The following MFHAS1 variants were observed in gnomAD, a reference collection of about 807,000 sequenced individuals.
MFHAS1 encodes the protein malignant fibrous histiocytoma-amplified sequence 1.
Under a neutral mutation model 70.4 loss-of-function variants are expected in MFHAS1, and 50 were observed. The observed-to-expected ratio is 0.71, with a 90% CI of 0.57 to 0.90. The LOEUF (loss-of-function observed/expected upper bound fraction) is 0.90, where lower values mean the gene tolerates loss of function less well. MFHAS1 is among the 40% of genes least tolerant of loss of function. The pLI, the probability that MFHAS1 is intolerant of heterozygous loss-of-function variation, is 0.00. For synonymous variants in MFHAS1, 952 were observed against 620.0 expected (o/e 1.54, Z -7.96); for missense variants, 1,795 against 1,347.6 (o/e 1.33, Z -5.20).
At chr8:8,828,194 G>A (rs531780896) in intron 1 of MFHAS1, among the ~76,000 whole-genome samples, 21 of 152,254 alleles carry the variant, frequency 1.4e-4, no homozygotes, top group South Asian at 4.1e-4. Context: ...CATTTGTGTC[G>A]CTTACAACCA....
intron 1 of MFHAS1, among the ~76,000 whole-genome samples, chr8:8,811,953 C>T (rs1585028684): frequency 6.6e-6 from 1 of 152,292 alleles, no homozygotes; most frequent in South Asian, 2.1e-4. Flanking sequence ...CTGGGCAGTA[C>T]TACCTTCTCC....
chr8:8,824,552 CACACACACACACACA>C (rs1807085918), intron 1 of MFHAS1, among the ~76,000 whole-genome samples: 2 of 150,066 alleles, frequency 1.3e-5, no homozygotes, highest in African/African-American at 5.0e-5. Context: ...CACACACACA[CACACACACACACACA>C]CCCCTTTCTG....
At chr8:8,866,885 C>T (rs1323383992) in intron 1 of MFHAS1, among the ~76,000 whole-genome samples, 1 of 152,138 alleles carries the variant, frequency 6.6e-6, no homozygotes, top group Non-Finnish European at 1.5e-5. Flanking sequence ...AGGAAAGAAC[C>T]GTGTACTTGC....
chr8:8,890,448 C>G lies in MFHAS1; in HGVS notation c.2611G>C (p.Ala871Pro), dbSNP rs2116948981. 1 of 1,613,964 alleles carries G rather than the reference C, an allele frequency of 6.2e-7. No homozygotes were observed. The highest frequency in any genetic ancestry group is 2.2e-5 in the East Asian group (1 of 44,888). Residue 871 changes from alanine to proline, a missense_variant, in exon 1 of 3, where the codon GCT (alanine) becomes CCT (proline). By Grantham distance (27) the Ala-to-Pro change is conservative. Coordinates refer to ENST00000276282, the MANE Select transcript of MFHAS1 (RefSeq NM_004225.3). ...TGCTCAGCCACAAAAGACTGCCCAG[C>G]TAGGTTGGTCCCATTAATCCAGGCT... ...AEAWINGTNL[A>P]GQSFVAEQLQ...
Position 8,813,243 on chromosome 8 carries a change from C to T in MFHAS1, c.2999-15752G>A, listed in dbSNP as rs182834586. On this transcript the variant is annotated intron_variant, in intron 1 of 2. Coordinates refer to ENST00000276282, the MANE Select transcript of MFHAS1 (RefSeq NM_004225.3). ...CTACTTCACTGCCAGTCATAAAATG[C>T]TAGCACATACAATTATGTACAGTAT... 1.2e-4 allele frequency among the ~76,000 whole-genome samples: 18 copies of T among 152,312 alleles called. No homozygotes were observed. In the East Asian group the frequency reaches 3.3e-3, roughly 28 times the overall value.
intron 1 of MFHAS1, among the ~76,000 whole-genome samples, chr8:8,855,589 C>A (rs754219221): frequency 1.3e-5 from 2 of 152,226 alleles, no homozygotes; most frequent in Non-Finnish European, 2.9e-5. Flanking sequence ...GGCACGGTGG[C>A]TCACACCTGT....
intron 1 of MFHAS1, among the ~76,000 whole-genome samples, chr8:8,880,881 C>T (rs1809496114): frequency 6.6e-6 from 1 of 152,070 alleles, no homozygotes; most frequent in Non-Finnish European, 1.5e-5. Context: ...GATGAGGGTT[C>T]ACCGCATTGG....
chr8:8,834,808 T>G (rs1454939725), intron 1 of MFHAS1, among the ~76,000 whole-genome samples: 1 of 152,182 alleles, frequency 6.6e-6, no homozygotes. Flanking sequence ...AGATCTGTGG[T>G]TCCTCAACTG....
At chr8:8,844,417 G>A (rs1325250241) in intron 1 of MFHAS1, among the ~76,000 whole-genome samples, 1 of 152,162 alleles carries the variant, frequency 6.6e-6, no homozygotes, top group Non-Finnish European at 1.5e-5. Context: ...TTCACACTTA[G>A]CCAGTCTTGT....
intron 1 of MFHAS1, among the ~76,000 whole-genome samples, chr8:8,825,569 T>C (rs955188479): frequency 2.0e-5 from 3 of 152,192 alleles, no homozygotes; most frequent in African/African-American, 7.2e-5. Context: ...TCTCCTCTGC[T>C]TGCAGGTGGC....
At chr8:8,837,110 G>C (rs1339470940) in intron 1 of MFHAS1, among the ~76,000 whole-genome samples, 1 of 152,132 alleles carries the variant, frequency 6.6e-6, no homozygotes, top group Non-Finnish European at 1.5e-5. Flanking sequence ...TATTTATTTA[G>C]CATTTTGAAA....
Position 8,890,064 on chromosome 8 carries a change from G to T in MFHAS1, c.2995C>A (p.Pro999Thr). The stretch of plus-strand genomic sequence containing the variant: ...ACTTCTCCCTCTCTCCACTTACCTG[G>T]AAAAGCATGTGGATTGGGCGATCCT... The part of the protein sequence containing the change: ...KRGSPNPHAF[P>T]GELLSQPRPE... The change falls in exon 1 of 3, where the codon CCA (proline) becomes ACA (threonine). Residue 999 changes from proline (P) to threonine (T), a missense_variant. Transcript: ENST00000276282. The T allele has an allele frequency of 6.3e-7, 1 of 1,589,478 alleles. No homozygotes were observed. Among genetic ancestry groups the T allele is most frequent in the Non-Finnish European group, 8.6e-7 (1 of 1,164,044 alleles).
intron 1 of MFHAS1, among the ~76,000 whole-genome samples, chr8:8,825,368 T>C (rs12545499): frequency 0.5 from 75,825 of 152,060 alleles, 19,795 homozygotes; most frequent in East Asian, 0.85. Context: ...AGACAGAGTT[T>C]CACCATGTTG....
At position 8,845,310 on chromosome 8, in the gene MFHAS1, A is replaced by G. The variant is rs544073997; in HGVS notation, c.2998+44751T>C. ...TTTTTAAAAAGGTGCTTTCATCATC[A>G]ATACCAATATTGGCAAGATTACAAT... On this transcript the variant is annotated intron_variant, in intron 1 of 2. Transcript: ENST00000276282. Among the ~76,000 whole-genome samples the G allele has an allele frequency of 5.2e-5, 8 of 152,384 alleles. No homozygotes were observed. The East Asian group carries it at 1.3e-3, about 26-fold the overall frequency.
intron 2 of MFHAS1, among the ~76,000 whole-genome samples, chr8:8,793,986 G>A (rs1021316011): frequency 3.5e-4 from 53 of 152,078 alleles, no homozygotes; most frequent in Middle Eastern, 3.2e-3. Context: ...TCAGGAGTTC[G>A]AGACCAGCCC....
intron 1 of MFHAS1, among the ~76,000 whole-genome samples, chr8:8,842,093 G>C (rs1266293624): frequency 6.6e-6 from 1 of 152,182 alleles, no homozygotes; most frequent in Non-Finnish European, 1.5e-5. Flanking sequence ...TAACCGGACA[G>C]CCTGCTGCAG....
chr8:8,877,158 G>A (rs1809327802), intron 1 of MFHAS1, among the ~76,000 whole-genome samples: 1 of 151,664 alleles, frequency 6.6e-6, no homozygotes, highest in East Asian at 1.9e-4. Flanking sequence ...AAACTAACTG[G>A]GCATGGTGGC....
At chr8:8,788,413 T>G (rs185809642) in intron 2 of MFHAS1, among the ~76,000 whole-genome samples, 7 of 152,340 alleles carry the variant, frequency 4.6e-5, no homozygotes, top group Non-Finnish European at 7.4e-5. Context: ...GTGCGGCAGC[T>G]CATGCCTGTA....
In MFHAS1 at chr8:8,808,214, A is replaced by T. The variant is rs546140676; in HGVS notation, c.2999-10723T>A. Among the ~76,000 whole-genome samples, 12 of 141,998 alleles carry T rather than the reference A, an allele frequency of 8.5e-5. No individual in the cohort carries two copies. The East Asian group carries it at 2.3e-3, about 27-fold the overall frequency. 93.2% of individuals were successfully genotyped at this position (141,998 alleles called of 152,430 possible). A position where few individuals can be genotyped will look rare whatever the true frequency, so the allele number is the denominator to read the frequency against. ...TCTGCCCAGTGCCCCCACACTGTAG[A>T]CGCTCCCCTGGGAACCCTCCTCTGC... On this transcript the variant is annotated intron_variant, in intron 1 of 2. Coordinates refer to ENST00000276282, the MANE Select transcript of MFHAS1 (RefSeq NM_004225.3).
Sources: gnomAD v4.1 joint callset for allele counts (sites outside exome capture counted in the v4.1 genomes callset) on GRCh38, gnomAD v4.1.1 for gene constraint, MANE v1.5 for transcripts, NCBI Gene and HGNC (gene_info 2026-07-23, HGNC 2026-07-21) for gene names.